The following NAV1 variants were observed in gnomAD, a reference collection of about 807,000 sequenced individuals.
NAV1 encodes the protein pore membrane and/or filament interacting like protein 3.
A neutral mutation model predicts 175.2 loss-of-function variants in NAV1; 18 were observed. The ratio of observed to expected loss-of-function variants is 0.10; its 90% CI spans 0.07 to 0.15. The LOEUF (loss-of-function observed/expected upper bound fraction) is 0.15, where lower values mean the gene tolerates loss of function less well. Ranked by LOEUF, NAV1 falls within the 10% of genes least tolerant of loss-of-function variation. NAV1 has a pLI of 1.00. For synonymous variants in NAV1, 897 were observed against 978.7 expected (o/e 0.92, Z 1.56); for missense variants, 1,731 against 2,436.6 (o/e 0.71, Z 6.10).
chr1:201,613,051 G>A lies in NAV1; in HGVS notation c.-32-9802G>A, dbSNP rs546820429. 1.3e-3 allele frequency among the ~76,000 whole-genome samples: 191 copies of A among 152,268 alleles called. 1 individual carries two copies. Among genetic ancestry groups the A allele is most frequent in the Non-Finnish European group, 2.5e-4 (17 of 68,028 alleles). On this transcript the variant is annotated intron_variant, in intron 2 of 33. Transcript: ENST00000685211. ...GTGTCAGATGTTGTAAGAAAGCTTG[G>A]AAAGAGACCTGTGTGGGGTCCAGGG...
At chr1:201,602,025 C>T (rs1346221350) in intron 2 of NAV1, among the ~76,000 whole-genome samples, 5 of 152,142 alleles carry the variant, frequency 3.3e-5, no homozygotes, top group Admixed American at 6.5e-5. Flanking sequence ...AGGTATATTT[C>T]CCATACCCAC....
At chr1:201,814,424 A>G (rs2102825697) in intron 28 of NAV1, among the ~76,000 whole-genome samples, 1 of 152,256 alleles carries the variant, frequency 6.6e-6, no homozygotes, top group East Asian at 1.9e-4. Flanking sequence ...TGCAAAAGGA[A>G]CATGTCATTT....
chr1:201,617,535 G>A (rs1668041231), intron 2 of NAV1, among the ~76,000 whole-genome samples: 1 of 152,146 alleles, frequency 6.6e-6, no homozygotes, highest in Non-Finnish European at 1.5e-5. Context: ...AGACCAGCCA[G>A]GGAAACATAG....
exon 30 of NAV1, chr1:201,825,965 T>C (rs1051027027): frequency 2.0e-5 from 3 of 152,258 alleles, no homozygotes; most frequent in African/African-American, 7.2e-5. Context: ...CCCTGCCAAA[T>C]AAGATCCTTT....
chr1:201,653,206 C>T (rs1669272345), intron 1 of NAV1, among the ~76,000 whole-genome samples: 1 of 152,296 alleles, frequency 6.6e-6, no homozygotes, highest in South Asian at 2.1e-4. Context: ...CTTCCCTGGA[C>T]CTGAGGATCT....
rs757431586 is a variant in NAV1, at chr1:201,750,364, GT to G, written c.1227-30055del. 2.6e-5 allele frequency among the ~76,000 whole-genome samples: 4 copies of G among 152,134 alleles called. No homozygotes were observed. Among genetic ancestry groups the G allele is most frequent in the Admixed American group, 6.5e-5 (1 of 15,282 alleles). ...GAGGTAAACTGTTCATGGTATGAGA[GT>G]TGACCAAGTCAGGGTGGGGAGGGGA... is the stretch of plus-strand genomic sequence containing the variant. On this transcript the variant is annotated intron_variant, in intron 3 of 29. Transcript: ENST00000367296. This position sits in a 1 kb window ranked among gnomAD's most constrained non-coding sequence, Gnocchi z 4.1.
chr1:201,600,736 G>A (rs1667489971), intron 2 of NAV1, among the ~76,000 whole-genome samples: 1 of 152,068 alleles, frequency 6.6e-6, no homozygotes, highest in African/African-American at 2.4e-5. Flanking sequence ...ACAACACTAA[G>A]GTACCTGATC....
chr1:201,704,370 G>A (rs1022783191), intron 1 of NAV1, among the ~76,000 whole-genome samples: 22 of 152,250 alleles, frequency 1.4e-4, no homozygotes, highest in Non-Finnish European at 2.9e-4. Flanking sequence ...GCTGAGGACC[G>A]GCAACGCCCC....
rs776050350 is a variant in NAV1 at position 201,648,621 on chromosome 1, C to T, written c.-48C>T. On this transcript the variant is annotated 5_prime_UTR_variant, in exon 1 of 30. Transcript: ENST00000367296. ...GCGCTCCCGCCCCCTGCCCCCTCCC[C>T]CCGTGCCTGCAGACGCGCGGATCGT... 3.9e-6 allele frequency: 5 copies of T among 1,291,830 alleles called. 1 individual carries two copies. The South Asian group carries it at 1.3e-4, about 35-fold the overall frequency. 80.0% of individuals were successfully genotyped at this position (1,291,830 alleles called of 1,614,324 possible).
chr1:201,662,557 C>T (rs1669654547), intron 1 of NAV1, among the ~76,000 whole-genome samples: 1 of 152,188 alleles, frequency 6.6e-6, no homozygotes, highest in African/African-American at 2.4e-5. Flanking sequence ...TGCTTACCAG[C>T]TGGCTGTCCG....
chr1:201,698,494 G>A (rs1484865917), intron 1 of NAV1, among the ~76,000 whole-genome samples: 5 of 152,208 alleles, frequency 3.3e-5, no homozygotes, highest in African/African-American at 1.2e-4. Flanking sequence ...AGGCGGTGAT[G>A]TTCACTCATT....
chr1:201,585,128 G>A (rs1558007277), intron 1 of NAV1, among the ~76,000 whole-genome samples: 1 of 152,204 alleles, frequency 6.6e-6, no homozygotes, highest in Admixed American at 6.5e-5. Context: ...CTTTGGGCAG[G>A]TCATTGGGCC....
chr1:201,567,135 G>C lies in NAV1; in HGVS notation c.-143-21404G>C, dbSNP rs567339894. ...AGGACTCTGATTAGGATCTTGAACT[G>C]GGTGGCGGTTGGAAATCAGTATCAC... On this transcript the variant is annotated intron_variant, in intron 1 of 33. Transcript: ENST00000685211. Among the ~76,000 whole-genome samples, 16 of 151,334 alleles carry C rather than the reference G, an allele frequency of 1.1e-4. No individual in the cohort carries two copies. The South Asian group carries it at 1.3e-3, about 12-fold the overall frequency.
At chr1:201,680,657 C>G (rs1270967367) in intron 1 of NAV1, among the ~76,000 whole-genome samples, 1 of 152,170 alleles carries the variant, frequency 6.6e-6, no homozygotes, top group Non-Finnish European at 1.5e-5. Context: ...CTCCCACCTC[C>G]AACATTGGGG....
exon 1 of NAV1, chr1:201,623,252 G>A (rs1668228554): frequency 1.0e-6 from 1 of 985,978 alleles, no homozygotes; most frequent in African/African-American, 1.7e-5. Context: ...ATTGGCGAGA[G>A]ACAAGGCACC....
At chr1:201,784,347 C>G (rs931398346) in intron 7 of NAV1, among the ~76,000 whole-genome samples, 2 of 151,902 alleles carry the variant, frequency 1.3e-5, no homozygotes, top group Admixed American at 1.3e-4. Context: ...TAGTAGAGAC[C>G]AGGTTTCACC....
At chr1:201,701,901 A>G (rs1671442785) in intron 1 of NAV1, among the ~76,000 whole-genome samples, 2 of 152,244 alleles carry the variant, frequency 1.3e-5, no homozygotes, top group Admixed American at 1.3e-4. Context: ...AAGAAATGAA[A>G]ACATGCATCC....
intron 1 of NAV1, among the ~76,000 whole-genome samples, chr1:201,586,088 T>C (rs1667018880): frequency 6.6e-6 from 1 of 152,188 alleles, no homozygotes; most frequent in Admixed American, 6.5e-5. Context: ...GACAGATGAA[T>C]AGATAAACAA....
intron 1 of NAV1, among the ~76,000 whole-genome samples, chr1:201,697,413 A>G (rs1671237889): frequency 6.6e-6 from 1 of 152,216 alleles, no homozygotes; most frequent in Non-Finnish European, 1.5e-5. Context: ...TGTGAACGGC[A>G]GAGGGAGCAT....
Sources: gnomAD v4.1 joint callset for allele counts (sites outside exome capture counted in the v4.1 genomes callset) on GRCh38, gnomAD v4.1.1 for gene constraint, Gnocchi (gnomAD v3.1) non-coding constraint, MANE v1.5 for transcripts, NCBI Gene and HGNC (gene_info 2026-07-23, HGNC 2026-07-21) for gene names.